Variants in ULK4 observed in about 807,000 individuals in gnomAD.
ULK4 encodes unc-51 like kinase 4.
In ULK4, 133 loss-of-function variants were observed where a neutral mutation model predicts 160.6. The ratio of observed to expected loss-of-function variants is 0.83; its 90% CI spans 0.72 to 0.96. The LOEUF (loss-of-function observed/expected upper bound fraction) is 0.96. Among genes scored for constraint, ULK4 ranks in the 40% least tolerant of loss-of-function variants. ULK4 has a pLI of 0.00. For missense variants in ULK4, 1,580 were observed against 1,499.5 expected, an observed-to-expected ratio of 1.05 and a Z score of -0.89; for synonymous variants, 534 against 539.8, an observed-to-expected ratio of 0.99 and a Z score of 0.15.
intron 23 of ULK4, among the ~76,000 whole-genome samples, chr3:41,715,940 G>A (rs944126509): frequency 4.0e-5 from 6 of 151,566 alleles, no homozygotes; most frequent in South Asian, 2.1e-4. Context: ...TGGGCCAGGC[G>A]CAGTGGCTCA....
intron 32 of ULK4, among the ~76,000 whole-genome samples, chr3:41,507,238 T>C (rs1452203961): frequency 2.1e-5 from 3 of 144,532 alleles, no homozygotes; most frequent in East Asian, 2.1e-4. Context: ...CTCAGTCACA[T>C]TATAATGTTA....
intron 32 of ULK4, among the ~76,000 whole-genome samples, chr3:41,471,946 AC>A (rs61300410): frequency 0.014 from 2,094 of 148,996 alleles, 55 homozygotes; most frequent in African/African-American, 0.049. Flanking sequence ...AAAAAAAAAA[AC>A]AAAATGAAGA....
intron 35 of ULK4, among the ~76,000 whole-genome samples, chr3:41,387,054 T>C (rs887234470): frequency 1.3e-5 from 2 of 152,142 alleles, no homozygotes; most frequent in Admixed American, 6.6e-5. Flanking sequence ...CAGGGAATTA[T>C]GTAAAAATTT....
intron 2 of ULK4, among the ~76,000 whole-genome samples, chr3:41,953,801 A>G (rs551832183): frequency 5.3e-5 from 8 of 152,242 alleles, no homozygotes; most frequent in African/African-American, 1.9e-4. Flanking sequence ...TAATCCCAAC[A>G]CTTCGGGAGG....
chr3:41,642,408 C>G (rs1044923893), intron 30 of ULK4, among the ~76,000 whole-genome samples: 1 of 152,004 alleles, frequency 6.6e-6, no homozygotes, highest in African/African-American at 2.4e-5. Context: ...TCTCATTGTT[C>G]AATTCCCACC....
intron 35 of ULK4, among the ~76,000 whole-genome samples, chr3:41,308,836 T>A (rs2125718117): frequency 6.7e-6 from 1 of 149,710 alleles, no homozygotes; most frequent in East Asian, 2.0e-4. Flanking sequence ...CAAAACACTC[T>A]GGTCATTTTG....
At chr3:41,430,394 T>C (rs193172501) in intron 34 of ULK4, among the ~76,000 whole-genome samples, 112 of 152,334 alleles carry the variant, frequency 7.4e-4, no homozygotes, top group African/African-American at 2.1e-3. Flanking sequence ...AGTTTGTCTA[T>C]AGTTTTACAC....
intron 17 of ULK4, among the ~76,000 whole-genome samples, chr3:41,862,973 C>T (rs182661471): frequency 3.3e-5 from 5 of 152,316 alleles, no homozygotes; most frequent in Non-Finnish European, 1.5e-5. Flanking sequence ...CTTATGTTCG[C>T]TCAAGGCCCT....
At chr3:41,485,518 T>C (rs2084494806) in intron 32 of ULK4, among the ~76,000 whole-genome samples, 1 of 152,258 alleles carries the variant, frequency 6.6e-6, no homozygotes, top group Non-Finnish European at 1.5e-5. Context: ...AATCTTATTT[T>C]GCAGAAGTTA....
In ULK4 at chr3:41,246,928, C is replaced by G. The variant is rs1201648625; in HGVS notation, c.*1G>C. The G allele has an allele frequency of 9.9e-6, 16 of 1,613,572 alleles. No individual in the cohort carries two copies. Among genetic ancestry groups the G allele is most frequent in the Non-Finnish European group, 1.4e-5 (16 of 1,179,872 alleles). ...CGGGCTTGTGCTAAGCACCTTCTTG[C>G]CTAGTGCCCAACGGCTTGGAGGATT... On this transcript the variant is annotated 3_prime_UTR_variant, in exon 37 of 37. Transcript: ENST00000301831.
chr3:41,438,006 C>T (rs544117864), intron 34 of ULK4, among the ~76,000 whole-genome samples: 1 of 151,498 alleles, frequency 6.6e-6, no homozygotes, highest in Non-Finnish European at 1.5e-5. Flanking sequence ...TGTGCCTCAA[C>T]TCTGGAGAGC....
intron 18 of ULK4, among the ~76,000 whole-genome samples, chr3:41,820,057 T>G (rs2041092924): frequency 6.6e-6 from 1 of 152,110 alleles, no homozygotes; most frequent in East Asian, 1.9e-4. Flanking sequence ...CAAATTAGTG[T>G]AATAACCACA....
At chr3:41,311,292 G>A (rs1480828029) in intron 35 of ULK4, among the ~76,000 whole-genome samples, 2 of 152,136 alleles carry the variant, frequency 1.3e-5, no homozygotes, top group Non-Finnish European at 2.9e-5. Context: ...TGAGTCAGTG[G>A]GCTGGGAAAG....
At chr3:41,820,687 A>T (rs907520570) in intron 18 of ULK4, among the ~76,000 whole-genome samples, 1 of 152,136 alleles carries the variant, frequency 6.6e-6, no homozygotes, top group Non-Finnish European at 1.5e-5. Context: ...TATGTTCACT[A>T]CCTGGGAGGT....
At position 41,947,245 on chromosome 3, in the gene ULK4, A is replaced by G. The variant is rs534039065; in HGVS notation, c.138+7377T>C. Among the ~76,000 whole-genome samples the G allele has an allele frequency of 2.6e-5, 4 of 152,306 alleles. No homozygotes were observed. In the East Asian group the frequency reaches 7.7e-4, roughly 29 times the overall value. On this transcript the variant is annotated intron_variant, in intron 2 of 36. Coordinates refer to ENST00000301831, the MANE Select transcript of ULK4 (RefSeq NM_017886.4). ...AGAATGGCGTGAACCCAGGAGACGG[A>G]GCTTGCGGTGAGCCGAGACTGTGCC...
At chr3:41,895,660 T>G (rs1698126939) in intron 15 of ULK4, 96 bp from the exon 16 acceptor site, 1 of 654,102 alleles carries the variant, frequency 1.5e-6, no homozygotes. Context: ...GCTCAGGACT[T>G]TATACAAAGG....
At chr3:41,955,403 G>C (rs928781411) in intron 1 of ULK4, 1 of 152,224 alleles carries the variant, frequency 6.6e-6, no homozygotes, top group Non-Finnish European at 1.5e-5. Context: ...CATTCCGTGC[G>C]GTCGGCCCTT....
chr3:41,365,486 A>G (rs1224210595), intron 35 of ULK4, among the ~76,000 whole-genome samples: 5 of 152,252 alleles, frequency 3.3e-5, no homozygotes, highest in African/African-American at 1.2e-4. Context: ...ATAGGAATAA[A>G]AATGATGATA....
chr3:41,807,840 AC>A (rs1366166118), intron 19 of ULK4, among the ~76,000 whole-genome samples: 1 of 152,150 alleles, frequency 6.6e-6, no homozygotes, highest in Non-Finnish European at 1.5e-5. Context: ...GAATAAATTA[AC>A]CTAACACTTC....
Sources: allele counts gnomAD v4.1 joint callset (sites outside exome capture counted in the v4.1 genomes callset), GRCh38; gene constraint gnomAD v4.1.1; transcripts MANE v1.5; gene names NCBI Gene and HGNC (gene_info 2026-07-23, HGNC 2026-07-21).